The following SOX5 variants were observed in gnomAD, a reference collection of about 807,000 sequenced individuals.
SOX5 encodes the protein SRY-box transcription factor 5.
SOX5 carries 9 observed loss-of-function variants against 92.0 expected under a neutral mutation model. The observed-to-expected ratio is 0.10, with a 90% CI of 0.06 to 0.17. The LOEUF (loss-of-function observed/expected upper bound fraction) is 0.17. SOX5 is among the 10% of genes least tolerant of loss of function. The probability of loss-of-function intolerance (pLI) is 1.00; values close to 1 mark genes in which losing one functional copy is unlikely to be tolerated. For missense variants in SOX5, 642 were observed against 944.5 expected (o/e 0.68, Z 4.20); for synonymous variants, 344 against 336.3 (o/e 1.02, Z -0.25).
At chr12:23,895,357 A>G (rs2097166920) in intron 2 of SOX5, among the ~76,000 whole-genome samples, 4 of 152,182 alleles carry the variant, frequency 2.6e-5, no homozygotes, top group Admixed American at 2.6e-4. Flanking sequence ...GGAATATTAT[A>G]GAGTCCAATC....
intron 1 of SOX5, among the ~76,000 whole-genome samples, chr12:24,374,787 C>A (rs1405023109): frequency 6.6e-6 from 1 of 152,174 alleles, no homozygotes; most frequent in African/African-American, 2.4e-5. Flanking sequence ...ACAGCCCACA[C>A]TCCCAGCCCT....
At chr12:23,946,646 A>C (rs950996667) in intron 1 of SOX5, among the ~76,000 whole-genome samples, 6 of 151,994 alleles carry the variant, frequency 3.9e-5, no homozygotes, top group Admixed American at 3.9e-4. Flanking sequence ...AAATGTGGGG[A>C]GACTTCGGGC....
chr12:23,888,431 A>ATT (rs1378069253), intron 2 of SOX5, among the ~76,000 whole-genome samples: 1 of 151,750 alleles, frequency 6.6e-6, no homozygotes, highest in African/African-American at 2.4e-5. Context: ...TTTTCATGTG[A>ATT]GAGAATACTC....
intron 4 of SOX5, among the ~76,000 whole-genome samples, chr12:23,976,880 T>C (rs1948984941): frequency 6.6e-6 from 1 of 151,956 alleles, no homozygotes; most frequent in African/African-American, 2.4e-5. Context: ...ACCTGTTGAC[T>C]TGTAGAAGAA....
At chr12:23,658,073 T>G (rs557632291) in intron 7 of SOX5, among the ~76,000 whole-genome samples, 2 of 152,288 alleles carry the variant, frequency 1.3e-5, no homozygotes, top group African/African-American at 4.8e-5. Flanking sequence ...AAATGCTGGT[T>G]ACTAATATAG....
At position 24,160,512 on chromosome 12, in the gene SOX5, A is replaced by G. The variant is rs562340604; in HGVS notation, c.-2+52831T>C. On this transcript the variant is annotated intron_variant, in intron 4 of 4. Transcript: ENST00000446891. ...GAATCAACTTTCTGTTATTAGAAAG[A>G]TCACTCCATTGGCAGTGATCTTTCT... Among the ~76,000 whole-genome samples the G allele has an allele frequency of 2.6e-5, 4 of 152,140 alleles. No homozygotes were observed. The South Asian group carries it at 8.3e-4, about 32-fold the overall frequency.
intron 3 of SOX5, among the ~76,000 whole-genome samples, chr12:23,776,906 CT>C (rs1026752684): frequency 2.0e-5 from 3 of 152,184 alleles, no homozygotes; most frequent in Non-Finnish European, 4.4e-5. Context: ...TTGGGGACCC[CT>C]GATCTAAAGC....
At chr12:23,984,745 T>C (rs1266555303) in intron 4 of SOX5, among the ~76,000 whole-genome samples, 1 of 152,218 alleles carries the variant, frequency 6.6e-6, no homozygotes, top group Non-Finnish European at 1.5e-5. Context: ...GCTCTTACTG[T>C]CATTTTATTA....
At chr12:23,589,155 T>G (rs1951168439) in intron 9 of SOX5, among the ~76,000 whole-genome samples, 1 of 152,000 alleles carries the variant, frequency 6.6e-6, no homozygotes, top group African/African-American at 2.4e-5. Context: ...TGTCTTTGTA[T>G]GGGTGGGAAG....
At chr12:24,525,893 A>G (rs960687039) in intron 1 of SOX5, among the ~76,000 whole-genome samples, 3 of 151,664 alleles carry the variant, frequency 2.0e-5, no homozygotes, top group Admixed American at 2.0e-4. Flanking sequence ...TGAAGAAAAC[A>G]GAAGCCAGGT....
At chr12:23,804,941 A>ATG (rs1234033481) in intron 3 of SOX5, among the ~76,000 whole-genome samples, 1 of 45,018 alleles carries the variant, frequency 2.2e-5, no homozygotes, top group African/African-American at 9.0e-5. Flanking sequence ...ATATATATAT[A>ATG]TATATATATA....
Position 23,575,783 on chromosome 12 carries a change from T to G in SOX5, c.1220A>C (p.Lys407Thr). The G allele has an allele frequency of 5.0e-6, 8 of 1,610,496 alleles. No individual in the cohort carries two copies. The highest frequency in any genetic ancestry group is 6.8e-6 in the Non-Finnish European group (8 of 1,178,472). ...LSAKPKTSDG[K>T]SPTSPTSPHM... ...GGGAGAGGTGGGTGATGTGGGTGAT[T>G]TGCCATCAGAGGTCTTGGGTTTAGC... The change falls in exon 10 of 15, where the codon AAA (lysine) becomes ACA (threonine). Residue 407 changes from lysine to threonine, a missense_variant. Coordinates refer to ENST00000451604, the MANE Select transcript of SOX5 (RefSeq NM_006940.6).
chr12:23,614,825 A>T (rs2076360829), intron 8 of SOX5, among the ~76,000 whole-genome samples: 1 of 152,150 alleles, frequency 6.6e-6, no homozygotes, highest in East Asian at 1.9e-4. Flanking sequence ...TTTTGGAAAC[A>T]GAGTCTCACT....
intron 4 of SOX5, among the ~76,000 whole-genome samples, chr12:24,024,295 T>C (rs2136728472): frequency 6.6e-6 from 1 of 152,156 alleles, no homozygotes; most frequent in African/African-American, 2.4e-5. Flanking sequence ...TACAAAATAA[T>C]TTCTTTTGAT....
At chr12:24,222,374 T>C (rs913304718) in intron 3 of SOX5, among the ~76,000 whole-genome samples, 1 of 152,110 alleles carries the variant, frequency 6.6e-6, no homozygotes, top group Non-Finnish European at 1.5e-5. Context: ...CAGTGGTGAA[T>C]GTGGAATTTT....
intron 6 of SOX5, among the ~76,000 whole-genome samples, chr12:23,712,999 G>A (rs749133605): frequency 2.0e-5 from 3 of 152,212 alleles, no homozygotes; most frequent in Non-Finnish European, 4.4e-5. Flanking sequence ...CTTGGTACTT[G>A]TGAACATGAT....
chr12:23,873,662 C>T (rs2096898206), intron 2 of SOX5, among the ~76,000 whole-genome samples: 1 of 152,154 alleles, frequency 6.6e-6, no homozygotes, highest in Non-Finnish European at 1.5e-5. Flanking sequence ...CTATATGCTT[C>T]CTTAAATCAA....
At chr12:23,568,113 G>T (rs1269600468) in intron 10 of SOX5, among the ~76,000 whole-genome samples, 1 of 152,128 alleles carries the variant, frequency 6.6e-6, no homozygotes, top group African/African-American at 2.4e-5. Flanking sequence ...CTGAAATTAG[G>T]CTGGGCCATA....
chr12:23,869,257 C>G (rs2096847777), intron 2 of SOX5, among the ~76,000 whole-genome samples: 1 of 152,174 alleles, frequency 6.6e-6, no homozygotes, highest in Non-Finnish European at 1.5e-5. Context: ...ACACACATAC[C>G]CAGAAGTTCC....
Sources: gnomAD v4.1 joint callset for allele counts (sites outside exome capture counted in the v4.1 genomes callset) on GRCh38, gnomAD v4.1.1 for gene constraint, MANE v1.5 for transcripts, NCBI Gene and HGNC (gene_info 2026-07-23, HGNC 2026-07-21) for gene names.